Variants in ADAMTS9 observed in about 807,000 individuals in gnomAD.
ADAMTS9 encodes the protein A disintegrin and metalloproteinase with thrombospondin motifs 9.
ADAMTS9 carries 107 observed loss-of-function variants against 257.1 expected under a neutral mutation model. The observed-to-expected ratio is 0.42, with a 90% CI of 0.36 to 0.49. ADAMTS9 has a LOEUF of 0.49. Ranked by LOEUF, ADAMTS9 falls within the 20% of genes least tolerant of loss-of-function variation. ADAMTS9 has a pLI of 0.03. For synonymous variants in ADAMTS9, 982 were observed against 880.9 expected (o/e 1.11, Z -2.03); for missense variants, 2,353 against 2,469.1 (o/e 0.95, Z 1.00).
At position 64,641,992 on chromosome 3, in the gene ADAMTS9, T is replaced by C. The variant is rs906671306; in HGVS notation, c.1712A>G (p.His571Arg). 6.2e-7 allele frequency: 1 copy of C among 1,614,080 alleles called. No individual in the cohort carries two copies. Among genetic ancestry groups the C allele is most frequent in the South Asian group, 1.1e-5 (1 of 91,072 alleles). Residue 571 changes from histidine (H) to arginine (R), a missense_variant and splice_region_variant, in exon 12 of 40, where the codon CAC (histidine) becomes CGC (arginine). Physicochemically the swap from His to Arg is conservative, Grantham distance 29. Coordinates refer to ENST00000498707, the MANE Select transcript of ADAMTS9 (RefSeq NM_182920.2). ...GGGAACACAAAATCCATACTTGCAG[T>C]GCTGTATTTAATAAGGGGAATAGTG... ...ADGTECEPGK[H>R]CKYGFCVPKE...
intron 16 of ADAMTS9, among the ~76,000 whole-genome samples, chr3:64,627,136 A>G (rs962103926): frequency 1.3e-5 from 2 of 152,202 alleles, no homozygotes; most frequent in African/African-American, 4.8e-5. Context: ...CTGTAAATCA[A>G]GTGATAATCC....
At chr3:64,603,838 C>T in intron 25 of ADAMTS9, 84 bp downstream of exon 25, 1 of 1,438,048 alleles carries the variant, frequency 7.0e-7, no homozygotes, top group Non-Finnish European at 9.5e-7. Flanking sequence ...TTGACATTTC[C>T]AAGTGGCGCC....
chr3:64,596,187 G>T (rs1376386461), intron 27 of ADAMTS9, among the ~76,000 whole-genome samples: 2 of 152,150 alleles, frequency 1.3e-5, no homozygotes, highest in African/African-American at 2.4e-5. Context: ...ATTTGGCAAA[G>T]ATACTACATT....
chr3:64,643,775 A>G (rs1230073309), intron 11 of ADAMTS9, among the ~76,000 whole-genome samples: 14 of 151,424 alleles, frequency 9.2e-5, no homozygotes, highest in Admixed American at 9.2e-4. Context: ...TACTAATTAG[A>G]TTTTTTAATG....
At chr3:64,517,437 T>TTTTTTTTTTTTTTTTTTTTTTTTTTTTTC (rs1233567019) in intron 39 of ADAMTS9, among the ~76,000 whole-genome samples, 1 of 141,688 alleles carries the variant, frequency 7.1e-6, no homozygotes, top group Non-Finnish European at 1.5e-5. Context: ...TTTTTTTTTT[T>TTTTTTTTTTTTTTTTTTTTTTTTTTTTTC]TTGCAGAAAT....
In ADAMTS9 at chr3:64,546,752, A is replaced by G; in HGVS notation, c.5064+6T>C. 1 of 1,591,952 alleles carries G rather than the reference A, an allele frequency of 6.3e-7. No homozygotes were observed. Among genetic ancestry groups the G allele is most frequent in the Non-Finnish European group, 8.5e-7 (1 of 1,170,234 alleles). ...TTCAGATTTGAGTGCTCAGTCTTCTACTTACGCTCCCCCAGTTGCCAACTC... is the reference window on the plus strand; with the variant it reads ...TTCAGATTTGAGTGCTCAGTCTTCTGCTTACGCTCCCCCAGTTGCCAACTC... On this transcript the variant is annotated splice_donor_region_variant and intron_variant, in intron 32 of 39. Coordinates refer to ENST00000498707, the MANE Select transcript of ADAMTS9 (RefSeq NM_182920.2).
chr3:64,656,039 C>T (rs945992223), intron 4 of ADAMTS9, 164 bp from the exon 5 acceptor site: 14 of 520,806 alleles, frequency 2.7e-5, no homozygotes, highest in Admixed American at 1.1e-4. Context: ...TGTAAAGTCT[C>T]TTCATAAAAT....
chr3:64,653,085 A>G lies in ADAMTS9; in HGVS notation c.1316+1268T>C, dbSNP rs1700973343. Among the ~76,000 whole-genome samples the G allele has an allele frequency of 2.6e-5, 4 of 152,334 alleles. No individual in the cohort carries two copies. The South Asian group carries it at 8.3e-4, about 32-fold the overall frequency. On this transcript the variant is annotated intron_variant, in intron 8 of 39. Transcript: ENST00000498707. Reference sequence around the variant, plus strand: ...AAATCTGAGACAATCCAAAATCCAAAACACTTCTGGTCCCAAGCATTTGGG... The same window carrying G: ...AAATCTGAGACAATCCAAAATCCAAGACACTTCTGGTCCCAAGCATTTGGG...
At chr3:64,586,213 A>G (rs374532637) in intron 28 of ADAMTS9, among the ~76,000 whole-genome samples, 4 of 152,244 alleles carry the variant, frequency 2.6e-5, no homozygotes, top group Admixed American at 6.5e-5. Flanking sequence ...TAAGTTAGAC[A>G]AACGTGGGTG....
intron 28 of ADAMTS9, among the ~76,000 whole-genome samples, chr3:64,590,321 CA>C (rs1418068274): frequency 6.6e-6 from 1 of 152,104 alleles, no homozygotes; most frequent in Non-Finnish European, 1.5e-5. Context: ...AGGGAATTTA[CA>C]AAATTAAAAT....
chr3:64,536,453 G>A (rs746977844), intron 37 of ADAMTS9, among the ~76,000 whole-genome samples: 1 of 152,192 alleles, frequency 6.6e-6, no homozygotes, highest in African/African-American at 2.4e-5. Context: ...GTCCGTAAAG[G>A]TTTGCAAAAG....
chr3:64,530,526 T>TA (rs55726329), intron 38 of ADAMTS9, among the ~76,000 whole-genome samples: 4,385 of 116,500 alleles, frequency 0.038, 109 homozygotes, highest in African/African-American at 0.068. Flanking sequence ...CACCAAGATT[T>TA]AAAAAAAAAA....
intron 28 of ADAMTS9, among the ~76,000 whole-genome samples, chr3:64,579,553 G>A (rs766738806): frequency 5.3e-5 from 8 of 151,976 alleles, no homozygotes; most frequent in Admixed American, 3.3e-4. Context: ...GAAGGTAAGC[G>A]TAATGAGTTC....
intron 28 of ADAMTS9, among the ~76,000 whole-genome samples, chr3:64,585,682 A>G (rs905680696): frequency 6.6e-6 from 1 of 152,146 alleles, no homozygotes; most frequent in African/African-American, 2.4e-5. Flanking sequence ...AATAAAATCT[A>G]TCATCCTGAC....
intron 20 of ADAMTS9, 122 bp from the exon 21 acceptor site, chr3:64,615,607 T>C (rs1325787946): frequency 3.8e-6 from 4 of 1,053,572 alleles, no homozygotes; most frequent in Non-Finnish European, 5.4e-6. Flanking sequence ...CCAACTCTAG[T>C]TATTTTGGTG....
At chr3:64,562,595 C>T (rs140536014) in intron 29 of ADAMTS9, among the ~76,000 whole-genome samples, 362 of 152,188 alleles carry the variant, frequency 2.4e-3, no homozygotes, top group African/African-American at 7.6e-3. Context: ...AAACTAAAGG[C>T]AACATTTGGA....
At chr3:64,614,166 T>C (rs959031823) in intron 21 of ADAMTS9, among the ~76,000 whole-genome samples, 4 of 152,258 alleles carry the variant, frequency 2.6e-5, no homozygotes, top group African/African-American at 9.6e-5. Context: ...TACAGTTTGA[T>C]CTCCCAACCC....
intron 37 of ADAMTS9, 116 bp from the exon 38 acceptor site, chr3:64,533,386 G>T (rs2083007490): frequency 7.8e-6 from 6 of 770,834 alleles, no homozygotes; most frequent in Non-Finnish European, 6.6e-6. Flanking sequence ...TTGATTAATT[G>T]TGATAGCTAC....
chr3:64,659,145 G>T (rs1010051282), intron 3 of ADAMTS9, among the ~76,000 whole-genome samples: 3 of 152,184 alleles, frequency 2.0e-5, no homozygotes, highest in Non-Finnish European at 4.4e-5. Context: ...TATAGTAAGG[G>T]CCAGTAACGT....
Sources: gnomAD v4.1 joint callset for allele counts (sites outside exome capture counted in the v4.1 genomes callset) on GRCh38, gnomAD v4.1.1 for gene constraint, MANE v1.5 for transcripts, NCBI Gene and HGNC (gene_info 2026-07-23, HGNC 2026-07-21) for gene names.